SH3PXD2A: variants seen among roughly 807,000 people sequenced by gnomAD.
SH3PXD2A encodes SH3 and PX domains 2A.
In SH3PXD2A, 32 loss-of-function variants were observed where a neutral mutation model predicts 115.2. That is an observed-to-expected ratio of 0.28 (90% CI 0.21 to 0.37). The LOEUF (loss-of-function observed/expected upper bound fraction) is 0.37, where lower values mean the gene tolerates loss of function less well. SH3PXD2A is among the 10% of genes least tolerant of loss of function. SH3PXD2A has a pLI of 1.00. For synonymous variants in SH3PXD2A, 610 were observed against 629.1 expected (o/e 0.97, Z 0.45); for missense variants, 1,328 against 1,498.7 (o/e 0.89, Z 1.88).
chr10:103,852,477 C>T (rs1842905618), intron 1 of SH3PXD2A, among the ~76,000 whole-genome samples: 1 of 152,244 alleles, frequency 6.6e-6, no homozygotes. Flanking sequence ...CCTCTCTGCT[C>T]TGCAATTTAC....
chr10:103,699,033 A>C (rs951179022), intron 5 of SH3PXD2A, among the ~76,000 whole-genome samples: 4 of 152,098 alleles, frequency 2.6e-5, no homozygotes, highest in Non-Finnish European at 4.4e-5. Flanking sequence ...TGAAATCCAG[A>C]AGTTTGCAGA....
At chr10:103,667,068 G>C (rs1227104172) in intron 7 of SH3PXD2A, among the ~76,000 whole-genome samples, 1 of 152,148 alleles carries the variant, frequency 6.6e-6, no homozygotes, top group Non-Finnish European at 1.5e-5. Flanking sequence ...TCCAACATCA[G>C]CCCTTACCTC....
chr10:103,718,498 G>GC (rs35454917), intron 5 of SH3PXD2A, among the ~76,000 whole-genome samples: 37,469 of 152,086 alleles, frequency 0.25, 4,876 homozygotes, highest in African/African-American at 0.31. Flanking sequence ...GGGGCTGGGG[G>GC]GCTGGAGGGG....
At chr10:103,660,877 A>C in intron 8 of SH3PXD2A, 106 bp downstream of exon 8, 2 of 1,264,546 alleles carry the variant, frequency 1.6e-6, no homozygotes, top group Non-Finnish European at 2.3e-6. Flanking sequence ...GCCAGATGGA[A>C]ATAACGTATA....
At position 103,818,952 on chromosome 10, in the gene SH3PXD2A, C is replaced by T. The variant is rs144107589; in HGVS notation, c.73-17590G>A. Among the ~76,000 whole-genome samples, 221 of 152,330 alleles carry T rather than the reference C, an allele frequency of 1.5e-3. 1 individual carries two copies. Among genetic ancestry groups the T allele is most frequent in the African/African-American group, 5.1e-3 (213 of 41,558 alleles). ...ATTTCATGCCTGACCGTTCCCCCAA[C>T]CCATTCCCAGAATCATTCTTGACTG... On this transcript the variant is annotated intron_variant, in intron 1 of 14. Transcript: ENST00000369774.
In SH3PXD2A at chr10:103,601,823, T is replaced by C. The variant is rs1592254660; in HGVS notation, c.3395A>G (p.Lys1132Arg). 6.3e-7 allele frequency: 1 copy of C among 1,597,398 alleles called. No individual in the cohort carries two copies. The highest frequency in any genetic ancestry group is 2.2e-5 in the East Asian group (1 of 44,528). The change falls in exon 15 of 15, where the codon AAG (lysine) becomes AGG (arginine). Residue 1132 changes from lysine to arginine, a missense_variant. Physicochemically the swap from Lys to Arg is conservative, Grantham distance 26. Transcript: ENST00000369774. ...GWVPSNYLEK[K>R]N ...AAGAGCCCAGGCCCTCTGCTAGTTC[T>C]TTTTCTCAAGGTAGTTGGAAGGCAC...
At chr10:103,732,495 A>G (rs2038332489) in intron 4 of SH3PXD2A, among the ~76,000 whole-genome samples, 1 of 152,238 alleles carries the variant, frequency 6.6e-6, no homozygotes, top group African/African-American at 2.4e-5. Context: ...TCTGCTGCTT[A>G]TATGTTAAAA....
intron 1 of SH3PXD2A, among the ~76,000 whole-genome samples, chr10:103,817,822 C>T (rs908000471): frequency 1.3e-5 from 2 of 152,192 alleles, no homozygotes; most frequent in Admixed American, 1.3e-4. Context: ...CACAAGCAAC[C>T]ACACATTATA....
intron 1 of SH3PXD2A, among the ~76,000 whole-genome samples, chr10:103,848,319 G>C (rs1181313432): frequency 2.0e-5 from 3 of 152,040 alleles, no homozygotes; most frequent in Admixed American, 6.6e-5. Context: ...GGAGGGGTGG[G>C]ACCCAGCTGG....
chr10:103,608,177 A>AGGACAG (rs1343671945), intron 13 of SH3PXD2A, among the ~76,000 whole-genome samples: 6 of 148,014 alleles, frequency 4.1e-5, no homozygotes, highest in Non-Finnish European at 9.0e-5. Flanking sequence ...AAAAGAACAC[A>AGGACAG]GGACAGAGGC....
chr10:103,686,745 A>ATT (rs760028346), intron 6 of SH3PXD2A, among the ~76,000 whole-genome samples: 24,327 of 128,478 alleles, frequency 0.19, 2,867 homozygotes, highest in East Asian at 0.29. Context: ...TTGCTGGGGA[A>ATT]TTTTTTTTTT....
chr10:103,606,481 TTCCCTCTCCCTCTCCCCACGGTC>T (rs2036308586), intron 13 of SH3PXD2A, among the ~76,000 whole-genome samples: 1 of 44,374 alleles, frequency 2.3e-5, no homozygotes, highest in South Asian at 8.2e-4. Context: ...CCCCCTCCCC[TTCCCTCTCCCTCTCCCCACGGTC>T]TCCCTCTCCC....
intron 14 of SH3PXD2A, among the ~76,000 whole-genome samples, chr10:103,605,259 A>G (rs2036282949): frequency 6.6e-6 from 1 of 152,138 alleles, no homozygotes; most frequent in Admixed American, 6.5e-5. Context: ...GGTCCCCAGT[A>G]TCTCAGTCTA....
chr10:103,677,791 A>G (rs1031305748), intron 6 of SH3PXD2A, among the ~76,000 whole-genome samples: 9 of 152,164 alleles, frequency 5.9e-5, no homozygotes, highest in Admixed American at 2.6e-4. Context: ...GAGGTGCCCA[A>G]TTAACCCTCA....
chr10:103,714,996 C>G (rs1252149855), intron 5 of SH3PXD2A, among the ~76,000 whole-genome samples: 1 of 152,200 alleles, frequency 6.6e-6, no homozygotes, highest in East Asian at 1.9e-4. Flanking sequence ...CAGGCAGCAC[C>G]AGCCCTGGCC....
At chr10:103,837,276 G>A (rs756033593) in intron 1 of SH3PXD2A, among the ~76,000 whole-genome samples, 9 of 152,174 alleles carry the variant, frequency 5.9e-5, no homozygotes, top group South Asian at 2.1e-4. Flanking sequence ...AGGCACCACC[G>A]GACAGGCAGC....
chr10:103,623,101 C>T (rs1333490193), intron 9 of SH3PXD2A, among the ~76,000 whole-genome samples: 1 of 152,216 alleles, frequency 6.6e-6, no homozygotes, highest in Non-Finnish European at 1.5e-5. Flanking sequence ...TCTCGCCATT[C>T]TGGGAACCCT....
chr10:103,642,088 A>C (rs2036963831), intron 8 of SH3PXD2A, among the ~76,000 whole-genome samples: 2 of 152,194 alleles, frequency 1.3e-5, no homozygotes, highest in South Asian at 4.1e-4. Context: ...TAAAGCTGAA[A>C]AATTGTAAGT....
At chr10:103,650,713 T>C (rs1305695968) in intron 8 of SH3PXD2A, among the ~76,000 whole-genome samples, 1 of 151,932 alleles carries the variant, frequency 6.6e-6, no homozygotes, top group African/African-American at 2.4e-5. Flanking sequence ...CTTGACAGTA[T>C]TCATGAAAGC....
Sources: gnomAD v4.1 joint callset for allele counts (sites outside exome capture counted in the v4.1 genomes callset) on GRCh38, gnomAD v4.1.1 for gene constraint, MANE v1.5 for transcripts, NCBI Gene and HGNC (gene_info 2026-07-23, HGNC 2026-07-21) for gene names.